Variants in ACSF2 observed in about 807,000 individuals in gnomAD.
ACSF2 encodes acyl-CoA synthetase family member 2.
ACSF2 carries 52 observed loss-of-function variants against 79.3 expected under a neutral mutation model. The ratio of observed to expected loss-of-function variants is 0.66; its 90% CI spans 0.53 to 0.83. The LOEUF is 0.83. Ranked by LOEUF, ACSF2 falls within the 40% of genes least tolerant of loss-of-function variation. The pLI is 0.00. For missense variants in ACSF2, 661 were observed against 803.3 expected, an observed-to-expected ratio of 0.82 and a Z score of 2.14; for synonymous variants, 283 against 312.6, an observed-to-expected ratio of 0.91 and a Z score of 1.00.
At chr17:50,442,290 A>T (rs1400480347) in intron 1 of ACSF2, among the ~76,000 whole-genome samples, 1 of 151,304 alleles carries the variant, frequency 6.6e-6, no homozygotes, top group Non-Finnish European at 1.5e-5. Context: ...GGGTGACAAG[A>T]GTGAAACTCC....
chr17:50,436,673 A>T (rs1018235958), intron 1 of ACSF2, among the ~76,000 whole-genome samples: 1 of 150,718 alleles, frequency 6.6e-6, no homozygotes, highest in African/African-American at 2.4e-5. Context: ...ACCTCAGGTG[A>T]TCCACCTACC....
At chr17:50,469,125 G>T in intron 10 of ACSF2, 1 of 788,058 alleles carries the variant, frequency 1.3e-6, no homozygotes, top group Non-Finnish European at 1.5e-6. Flanking sequence ...GCTCTCCTAT[G>T]GTGCTCCTCT....
At chr17:50,449,571 AT>A (rs1268658598) in intron 1 of ACSF2, among the ~76,000 whole-genome samples, 2 of 149,666 alleles carry the variant, frequency 1.3e-5, no homozygotes, top group Admixed American at 1.3e-4. Flanking sequence ...CGCCCGGCTA[AT>A]TTTTTTTGTA....
At chr17:50,438,394 C>T (rs895829356) in intron 1 of ACSF2, among the ~76,000 whole-genome samples, 2 of 152,122 alleles carry the variant, frequency 1.3e-5, no homozygotes, top group Non-Finnish European at 1.5e-5. Context: ...AGCTTTTTTA[C>T]GTATTGCTCT....
At chr17:50,460,457 G>C (rs2032261978) in intron 1 of ACSF2, 3 of 581,482 alleles carry the variant, frequency 5.2e-6, no homozygotes, top group East Asian at 5.9e-5. Flanking sequence ...CTTTGCTCCA[G>C]CTTGGTGTAA....
intron 1 of ACSF2, among the ~76,000 whole-genome samples, chr17:50,437,546 A>G (rs140609566): frequency 6.6e-5 from 10 of 152,242 alleles, no homozygotes; most frequent in African/African-American, 2.2e-4. Context: ...GGTCCCAGCT[A>G]CTAGGAGGTT....
At chr17:50,464,324 G>GCCCA in intron 10 of ACSF2, 30 bp downstream of exon 10, 1 of 1,606,676 alleles carries the variant, frequency 6.2e-7, no homozygotes, top group Non-Finnish European at 8.5e-7. Context: ...CGGGCTGTGG[G>GCCCA]CAGGCCAGGC....
At chr17:50,470,400 G>A (rs2033055920) in intron 10 of ACSF2, among the ~76,000 whole-genome samples, 1 of 152,122 alleles carries the variant, frequency 6.6e-6, no homozygotes, top group African/African-American at 2.4e-5. Flanking sequence ...TGGGGGAGGT[G>A]GGGTGGGGGT....
At chr17:50,464,531 T>A in intron 10 of ACSF2, 1 of 660,994 alleles carries the variant, frequency 1.5e-6, no homozygotes, top group Non-Finnish European at 2.8e-6. Context: ...TATAGAAATC[T>A]CAGGAAGAAA....
At chr17:50,435,013 C>A (rs2107574) in intron 1 of ACSF2, among the ~76,000 whole-genome samples, 2 of 151,896 alleles carry the variant, frequency 1.3e-5, no homozygotes, top group Non-Finnish European at 2.9e-5. Flanking sequence ...TGGGATTACC[C>A]GCATGTGCCA....
chr17:50,455,878 C>T (rs1427483603), intron 1 of ACSF2, among the ~76,000 whole-genome samples: 1 of 152,170 alleles, frequency 6.6e-6, no homozygotes, highest in African/African-American at 2.4e-5. Context: ...CGCTTGTCCT[C>T]ACTTCCCAGG....
At chr17:50,439,931 G>A (rs2030758448) in intron 1 of ACSF2, among the ~76,000 whole-genome samples, 1 of 152,170 alleles carries the variant, frequency 6.6e-6, no homozygotes, top group African/African-American at 2.4e-5. Context: ...TGTCTCCTGT[G>A]TCTGTTCTGT....
At chr17:50,466,134 T>C (rs1278375606) in intron 10 of ACSF2, among the ~76,000 whole-genome samples, 2 of 148,738 alleles carry the variant, frequency 1.3e-5, no homozygotes, top group African/African-American at 5.0e-5. Flanking sequence ...TTGCCCAGGC[T>C]GGAGCACAGT....
intron 1 of ACSF2, among the ~76,000 whole-genome samples, chr17:50,458,189 T>G (rs565803615): frequency 6.6e-6 from 1 of 152,256 alleles, no homozygotes; most frequent in African/African-American, 2.4e-5. Flanking sequence ...CATCCATCCC[T>G]CTTCACTTCA....
At position 50,471,043 on chromosome 17, in the gene ACSF2, A is replaced by AC; in HGVS notation, c.1232dup (p.Glu412ArgfsTer12). The AC allele has an allele frequency of 6.2e-7, 1 of 1,614,036 alleles. No homozygotes were observed. The highest frequency in any genetic ancestry group is 8.5e-7 in the Non-Finnish European group (1 of 1,179,948). ...GACCCTCTAGGTTGCTTATGGAACC[A>AC]CAGAGAACAGTCCCGTGACATTCGC... On this transcript the variant is annotated frameshift_variant, in exon 11 of 16. Transcript: ENST00000300441. LOFTEE classifies it high-confidence loss of function. This position sits in a 1 kb window ranked among gnomAD's most constrained non-coding sequence, Gnocchi z 4.1.
intron 2 of ACSF2, 28 bp downstream of exon 2, chr17:50,460,900 TG>T: frequency 6.3e-7 from 1 of 1,591,652 alleles, no homozygotes; most frequent in East Asian, 2.3e-5. Flanking sequence ...AACCTCAAAG[TG>T]GGCAAGTACT....
chr17:50,455,381 A>C (rs1488317239), intron 1 of ACSF2, among the ~76,000 whole-genome samples: 2 of 152,264 alleles, frequency 1.3e-5, no homozygotes, highest in African/African-American at 4.8e-5. Context: ...GGGTGCAGGT[A>C]GTTTATTTTG....
chr17:50,454,724 G>A (rs908745185), intron 1 of ACSF2, among the ~76,000 whole-genome samples: 1 of 152,148 alleles, frequency 6.6e-6, no homozygotes, highest in Non-Finnish European at 1.5e-5. Context: ...TCCACACAAC[G>A]TGGCCAGCTA....
intron 10 of ACSF2, chr17:50,465,262 G>A (rs747134942): frequency 6.2e-7 from 1 of 1,613,380 alleles, no homozygotes; most frequent in South Asian, 1.1e-5. Flanking sequence ...CACCAAAGAG[G>A]GACATAGGGG....
Sources: allele counts gnomAD v4.1 joint callset (sites outside exome capture counted in the v4.1 genomes callset), GRCh38; gene constraint gnomAD v4.1.1; non-coding constraint Gnocchi (gnomAD v3.1); transcripts MANE v1.5; gene names NCBI Gene and HGNC (gene_info 2026-07-23, HGNC 2026-07-21).